The following TBX5 variants were observed in gnomAD, a reference collection of about 807,000 sequenced individuals.
TBX5 encodes T-box transcription factor TBX5.
Under a neutral mutation model 51.1 loss-of-function variants are expected in TBX5, and 8 were observed. The observed-to-expected ratio is 0.16, with a 90% confidence interval of 0.09 to 0.28. The LOEUF (loss-of-function observed/expected upper bound fraction) is 0.28. Ranked by LOEUF, TBX5 falls within the 10% of genes least tolerant of loss-of-function variation. The pLI is 1.00. For missense variants in TBX5, 589 were observed against 671.7 expected (o/e 0.88, Z 1.36); for synonymous variants, 302 against 266.4 (o/e 1.13, Z -1.30).
upstream of TBX5, chr12:114,407,917 C>G: frequency 1.0e-6 from 1 of 985,462 alleles, no homozygotes; most frequent in Non-Finnish European, 1.2e-6. Context: ...CAAAAGAGAC[C>G]TCTTTAGGCC....
At chr12:114,384,208 G>A (rs1870666287) in intron 7 of TBX5, among the ~76,000 whole-genome samples, 1 of 151,954 alleles carries the variant, frequency 6.6e-6, no homozygotes, top group Admixed American at 6.6e-5. Flanking sequence ...ATGAAAACAG[G>A]AATGTGTGCA....
rs1437723427 is a variant in TBX5, at chr12:114,405,833, C to G, written c.-244G>C. Reference sequence around the variant, plus strand: ...TGCCCACCTCCAACACACACCTCCTCTGCTGTGCGCTTGCTCTCCCTAAAT... The same window carrying G: ...TGCCCACCTCCAACACACACCTCCTGTGCTGTGCGCTTGCTCTCCCTAAAT... On this transcript the variant is annotated 5_prime_UTR_variant, in exon 1 of 9. Coordinates refer to ENST00000405440, the MANE Select transcript of TBX5 (RefSeq NM_181486.4). 1.0e-6 allele frequency: 1 copy of G among 985,424 alleles called. No homozygotes were observed. Among genetic ancestry groups the G allele is most frequent in the Non-Finnish European group, 1.2e-6 (1 of 830,008 alleles). The allele number at this position is 985,424 out of a possible 1,614,324, so 61.0% of individuals were successfully genotyped here.
chr12:114,358,713 A>G (rs1292121683), intron 8 of TBX5, among the ~76,000 whole-genome samples: 1 of 152,136 alleles, frequency 6.6e-6, no homozygotes, highest in African/African-American at 2.4e-5. Context: ...AACCATGCAG[A>G]TGTTTGAAAA....
At position 114,355,513 on chromosome 12, in the gene TBX5, T is replaced by A; in HGVS notation, c.*19A>T. On this transcript the variant is annotated 3_prime_UTR_variant, in exon 9 of 9. Coordinates refer to ENST00000405440, the MANE Select transcript of TBX5 (RefSeq NM_181486.4). ...TCTCTCTTTCTCTAGGAAATGTCTG[T>A]TGTGAAGCAGGCCTCACTTTAGCTA... 6.2e-7 allele frequency: 1 copy of A among 1,613,180 alleles called. No homozygotes were observed.
intron 7 of TBX5, among the ~76,000 whole-genome samples, chr12:114,377,089 C>T (rs1384952077): frequency 6.6e-6 from 1 of 152,206 alleles, no homozygotes; most frequent in Non-Finnish European, 1.5e-5. Context: ...CATAAATGCA[C>T]TGCTTCCCTG....
intron 8 of TBX5, among the ~76,000 whole-genome samples, chr12:114,365,437 G>A (rs1006303958): frequency 1.1e-4 from 16 of 151,808 alleles, no homozygotes; most frequent in African/African-American, 2.9e-4. Flanking sequence ...GGCAGTCTAG[G>A]TTCATAAAAA....
chr12:114,387,123 C>CA (rs66543933), intron 6 of TBX5, among the ~76,000 whole-genome samples: 1 of 151,534 alleles, frequency 6.6e-6, no homozygotes, highest in Admixed American at 6.6e-5. Flanking sequence ...AAACAAAAAA[C>CA]AAAAAAACAA....
At chr12:114,373,836 C>G (rs1390741437) in intron 7 of TBX5, among the ~76,000 whole-genome samples, 1 of 152,180 alleles carries the variant, frequency 6.6e-6, no homozygotes, top group African/African-American at 2.4e-5. Flanking sequence ...ATATTTTAGT[C>G]CAGTCTTGTA....
At chr12:114,400,846 A>G (rs1486845961) in intron 3 of TBX5, among the ~76,000 whole-genome samples, 1 of 152,228 alleles carries the variant, frequency 6.6e-6, no homozygotes, top group African/African-American at 2.4e-5. Flanking sequence ...TTAAATAATA[A>G]TAAATGTCAC....
At chr12:114,379,670 G>C (rs1593860847) in intron 7 of TBX5, among the ~76,000 whole-genome samples, 2 of 152,184 alleles carry the variant, frequency 1.3e-5, no homozygotes, top group South Asian at 2.1e-4. Flanking sequence ...ACACTCCTCG[G>C]TCGAGTAGAA....
rs1156432274 is a variant in TBX5, at chr12:114,359,744, C to T, written c.983-3638G>A. Among the ~76,000 whole-genome samples, 7 of 152,194 alleles carry T rather than the reference C, an allele frequency of 4.6e-5. No homozygotes were observed. The South Asian group carries it at 6.2e-4, about 13-fold the overall frequency. On this transcript the variant is annotated intron_variant, in intron 8 of 8. Transcript: ENST00000405440. ...CAGAGTTACAGCTCCAATGCTCGCT[C>T]GCCATGTGACTGGATGAATCACCAG...
At chr12:114,390,568 A>G (rs1403669535) in intron 6 of TBX5, among the ~76,000 whole-genome samples, 1 of 152,248 alleles carries the variant, frequency 6.6e-6, no homozygotes, top group Non-Finnish European at 1.5e-5. Flanking sequence ...AACCCTCACG[A>G]GGACCAAAAA....
rs34419380 is a variant in TBX5, at chr12:114,358,777, T to TTTTGTTTGTTTG, written c.983-2683_983-2672dup. On this transcript the variant is annotated intron_variant, in intron 8 of 8. Transcript: ENST00000405440. The stretch of plus-strand genomic sequence containing the variant: ...TCACCTTTTAACTGTGCGGGGTTTT[T>TTTTGTTTGTTTG]TTTGTTTGTTTGTTTGTTTGTTTGT... 5.0e-3 allele frequency among the ~76,000 whole-genome samples: 752 copies of TTTTGTTTGTTTG among 150,698 alleles called. 8 individuals carry two copies. Among genetic ancestry groups the TTTTGTTTGTTTG allele is most frequent in the African/African-American group, 0.012 (488 of 40,914 alleles).
intron 7 of TBX5, among the ~76,000 whole-genome samples, chr12:114,384,730 CACACACACACACACA>C (rs1424834503): frequency 7.7e-6 from 1 of 129,210 alleles, no homozygotes; most frequent in African/African-American, 3.4e-5. Flanking sequence ...CACACACACA[CACACACACACACACA>C]ACACACACAC....
intron 3 of TBX5, 94 bp from the exon 4 acceptor site, chr12:114,399,726 T>A: frequency 6.3e-7 from 1 of 1,586,486 alleles, no homozygotes. Flanking sequence ...AAGCAATTCC[T>A]GGAGAAACGT....
chr12:114,373,954 CCTT>C (rs1211448639), intron 7 of TBX5, among the ~76,000 whole-genome samples: 29 of 152,322 alleles, frequency 1.9e-4, no homozygotes, highest in Admixed American at 1.9e-3. Context: ...AGGCCTCAAT[CCTT>C]CTGGAAGCTG....
At chr12:114,401,958 G>T in intron 2 of TBX5, 38 bp from the exon 3 acceptor site, 1 of 1,562,638 alleles carries the variant, frequency 6.4e-7, no homozygotes, top group Non-Finnish European at 8.8e-7. Context: ...AACAAGCCCT[G>T]GCAGTAGTGG....
chr12:114,370,262 AG>A (rs1230250270), intron 7 of TBX5, among the ~76,000 whole-genome samples: 40 of 134,170 alleles, frequency 3.0e-4, no homozygotes, highest in African/African-American at 1.0e-3. Context: ...AGAAAAGAAA[AG>A]AAAAGAAAAG....
At chr12:114,373,862 C>A (rs1448386838) in intron 7 of TBX5, among the ~76,000 whole-genome samples, 3 of 152,236 alleles carry the variant, frequency 2.0e-5, no homozygotes, top group Non-Finnish European at 4.4e-5. Context: ...ACCATTTAAA[C>A]CAGCTTAACT....
Sources: allele counts gnomAD v4.1 joint callset (sites outside exome capture counted in the v4.1 genomes callset), GRCh38; gene constraint gnomAD v4.1.1; transcripts MANE v1.5; gene names NCBI Gene and HGNC (gene_info 2026-07-23, HGNC 2026-07-21).